NCKAP5: variants seen among roughly 807,000 people sequenced by gnomAD.
NCKAP5 encodes NCK associated protein 5, also known as nck-associated protein 5.
Under a neutral mutation model 167.0 loss-of-function variants are expected in NCKAP5, and 92 were observed. That is an observed-to-expected ratio of 0.55 (90% confidence interval 0.47 to 0.66). The LOEUF (loss-of-function observed/expected upper bound fraction) is 0.66. NCKAP5 is among the 30% of genes least tolerant of loss of function. NCKAP5 has a pLI of 0.00. For missense variants in NCKAP5, 2,378 were observed against 2,315.0 expected (o/e 1.03, Z -0.56); for synonymous variants, 891 against 877.4 (o/e 1.02, Z -0.27).
At chr2:133,338,066 G>A (rs1038217156) in intron 3 of NCKAP5, among the ~76,000 whole-genome samples, 2 of 151,340 alleles carry the variant, frequency 1.3e-5, no homozygotes, top group African/African-American at 4.8e-5. Flanking sequence ...ATAGATTCTT[G>A]GAATATTTAA....
chr2:132,950,362 A>C (rs1040112422), intron 8 of NCKAP5, among the ~76,000 whole-genome samples: 2 of 152,190 alleles, frequency 1.3e-5, no homozygotes, highest in African/African-American at 2.4e-5. Context: ...TATCATTATT[A>C]TTCTTCAATA....
chr2:133,263,237 G>C (rs2089007512), intron 4 of NCKAP5, among the ~76,000 whole-genome samples: 1 of 149,202 alleles, frequency 6.7e-6, no homozygotes, highest in South Asian at 2.2e-4. Context: ...TAATAACCAG[G>C]AATGCCAAAT....
chr2:133,550,398 C>T (rs1687184192), intron 2 of NCKAP5, among the ~76,000 whole-genome samples: 1 of 151,686 alleles, frequency 6.6e-6, no homozygotes, highest in South Asian at 2.1e-4. Context: ...GCTTATCCAA[C>T]ATGATCAAGT....
chr2:133,610,700 ACTCT>A, the NCKAP5 span, among the ~76,000 whole-genome samples: 4 of 151,548 alleles, frequency 2.6e-5, no homozygotes, highest in Admixed American at 6.6e-5. Context: ...ACACACACAC[ACTCT>A]CTCTCTCTCT....
rs140265315 is a variant in NCKAP5 at position 133,411,443 on chromosome 2, G to A, written c.69+106015C>T. On this transcript the variant is annotated intron_variant, in intron 3 of 19. Coordinates refer to ENST00000409261, the MANE Select transcript of NCKAP5 (RefSeq NM_207363.3). ...TGCAGGACTCAGTGGAAGCTGTGTG[G>A]GATGAGGAGAAGGATCTGCAGCAGG... 4.4e-3 allele frequency among the ~76,000 whole-genome samples: 669 copies of A among 152,314 alleles called. 2 individuals carry two copies. Among genetic ancestry groups the A allele is most frequent in the Admixed American group, 9.4e-3 (144 of 15,290 alleles).
intron 17 of NCKAP5, among the ~76,000 whole-genome samples, chr2:132,729,722 T>A (rs563645031): frequency 6.6e-6 from 1 of 152,284 alleles, no homozygotes; most frequent in East Asian, 1.9e-4. Context: ...TTAACCTGCA[T>A]AGTGTATGCC....
chr2:133,020,911 G>A (rs2078504526), intron 6 of NCKAP5, among the ~76,000 whole-genome samples: 1 of 152,284 alleles, frequency 6.6e-6, no homozygotes, highest in South Asian at 2.1e-4. Flanking sequence ...AGCCCATGGA[G>A]TGGAAGGTGT....
intron 13 of NCKAP5, among the ~76,000 whole-genome samples, chr2:132,788,140 A>T (rs1342939953): frequency 2.0e-5 from 3 of 152,134 alleles, no homozygotes; most frequent in African/African-American, 7.2e-5. Flanking sequence ...AGACACACGA[A>T]TGCCCCGTGG....
In NCKAP5 at chr2:132,785,108, T is replaced by C; in HGVS notation, c.1703A>G (p.Gln568Arg). ...QVQRERGPQG[Q>R]GHGRMALNLQ... ...GTTGAGAGCCATGCGGCCATGGCCTTGGCCCTGTGGGCCCCTCTCCCTCTG... is the reference window on the plus strand; with the variant it reads ...GTTGAGAGCCATGCGGCCATGGCCTCGGCCCTGTGGGCCCCTCTCCCTCTG... The change falls in exon 14 of 20, where the codon CAA becomes CGA. Residue 568 changes from glutamine (Q) to arginine (R), a missense_variant. Gln to Arg is a conservative substitution (Grantham distance 43). This residue lies in a region of NCKAP5 where 1,049 missense variants were observed against 1,023.4 expected (regional missense o/e 1.02). Coordinates refer to ENST00000409261, the MANE Select transcript of NCKAP5 (RefSeq NM_207363.3). The C allele has an allele frequency of 6.2e-7, 1 of 1,614,018 alleles. No homozygotes were observed. The highest frequency in any genetic ancestry group is 8.5e-7 in the Non-Finnish European group (1 of 1,179,862).
intron 4 of NCKAP5, among the ~76,000 whole-genome samples, chr2:133,231,327 A>T (rs2087136552): frequency 6.6e-6 from 1 of 152,210 alleles, no homozygotes; most frequent in Non-Finnish European, 1.5e-5. Context: ...ACCTCTGTCT[A>T]GACTAAAAGA....
intron 6 of NCKAP5, among the ~76,000 whole-genome samples, chr2:133,080,611 A>G (rs1473601019): frequency 6.6e-6 from 1 of 152,174 alleles, no homozygotes; most frequent in Non-Finnish European, 1.5e-5. Context: ...CCCTTTACAA[A>G]TAACATTTGT....
chr2:133,061,790 C>G (rs1244479332), intron 6 of NCKAP5, among the ~76,000 whole-genome samples: 2 of 152,092 alleles, frequency 1.3e-5, no homozygotes, highest in East Asian at 3.9e-4. Context: ...GAGAACTGAG[C>G]CTTTGCCATT....
At chr2:133,594,115 T>C in the NCKAP5 span, among the ~76,000 whole-genome samples, 1 of 152,246 alleles carries the variant, frequency 6.6e-6, no homozygotes, top group African/African-American at 2.4e-5. Flanking sequence ...CATCACTTTG[T>C]GTGGAGCCCA....
chr2:132,782,547 G>C lies in NCKAP5; in HGVS notation c.4264C>G (p.Pro1422Ala). ...CTCCCTGGGCTCTGCAGGGCTTCAG[G>C]GCAGTCTGTTGGGGTGGGTGGGCAA... ...RSCPPTPTDC[P>A]EALQSPGRTQ... The change falls in exon 14 of 20, where the codon CCT becomes GCT. Residue 1422 changes from proline (P) to alanine (A), a missense_variant. Pro to Ala is a conservative substitution (Grantham distance 27, BLOSUM62 -1). Transcript: ENST00000409261. 1.3e-6 allele frequency: 2 copies of C among 1,590,966 alleles called. No homozygotes were observed. The highest frequency in any genetic ancestry group is 1.7e-6 in the Non-Finnish European group (2 of 1,169,012).
chr2:133,398,828 G>A (rs1001360379), intron 3 of NCKAP5, among the ~76,000 whole-genome samples: 1 of 152,074 alleles, frequency 6.6e-6, no homozygotes, highest in Admixed American at 6.6e-5. Context: ...AGCATGGGAG[G>A]GCACAGCACC....
Position 132,783,473 on chromosome 2 carries a change from G to A in NCKAP5, c.3338C>T (p.Ser1113Phe), listed in dbSNP as rs373939121. 200 of 1,595,862 alleles carry A rather than the reference G, an allele frequency of 1.3e-4. No individual in the cohort carries two copies. The highest frequency in any genetic ancestry group is 1.6e-4 in the Non-Finnish European group (193 of 1,170,870). The change falls in exon 14 of 20, where the codon TCT becomes TTT. Residue 1113 changes from serine to phenylalanine, a missense_variant. Ser to Phe is a radical substitution (Grantham distance 155). Around this residue, in one of 3 missense-constraint regions of NCKAP5, gnomAD observed 1,325 missense variants for 1,274.5 expected, o/e 1.04. Transcript: ENST00000409261. ...SFLGVNESPS[S>F]QVSSSSSSSS... is the part of the protein sequence containing the mutation. Reference sequence around the variant, plus strand: ...GGATGATGAGGAACTGCTGACCTGAGATGATGGTGACTCATTTACCCCTAA... The same window carrying A: ...GGATGATGAGGAACTGCTGACCTGAAATGATGGTGACTCATTTACCCCTAA...
At chr2:133,084,644 C>A (rs1192619421) in intron 6 of NCKAP5, among the ~76,000 whole-genome samples, 1 of 152,128 alleles carries the variant, frequency 6.6e-6, no homozygotes, top group Admixed American at 6.6e-5. Flanking sequence ...AGCTTTGGTT[C>A]CAAAAGTTCA....
chr2:133,640,336 A>T, the NCKAP5 span, among the ~76,000 whole-genome samples: 14,467 of 152,276 alleles, frequency 0.095, 792 homozygotes, highest in African/African-American at 0.12. Context: ...CAGGAAATTC[A>T]CATGAGTAGG....
intron 3 of NCKAP5, among the ~76,000 whole-genome samples, chr2:133,373,294 A>C (rs2150919297): frequency 6.6e-6 from 1 of 152,236 alleles, no homozygotes; most frequent in Admixed American, 6.5e-5. Context: ...CCAGGCCTCA[A>C]GTGATCCACC....
Sources: gnomAD v4.1 joint callset for allele counts (sites outside exome capture counted in the v4.1 genomes callset) on GRCh38, gnomAD v4.1.1 for gene constraint, gnomAD v4.1.1 regional missense constraint, MANE v1.5 for transcripts, NCBI Gene and HGNC (gene_info 2026-07-23, HGNC 2026-07-21) for gene names.